Variants in GABPB2 observed in about 807,000 individuals in gnomAD.
GABPB2 encodes GA binding protein transcription factor subunit beta 2, also known as GA-binding protein subunit beta-2.
A neutral mutation model predicts 39.1 loss-of-function variants in GABPB2; 23 were observed. The observed-to-expected ratio is 0.59, with a 90% confidence interval of 0.42 to 0.83. GABPB2 has a LOEUF of 0.83. Ranked by LOEUF, GABPB2 falls within the 40% of genes least tolerant of loss-of-function variation. The pLI, the probability that GABPB2 is intolerant of heterozygous loss-of-function variation, is 0.00. For missense variants in GABPB2, 467 were observed against 541.1 expected, an observed-to-expected ratio of 0.86 and a Z score of 1.36; for synonymous variants, 184 against 199.3, an observed-to-expected ratio of 0.92 and a Z score of 0.65.
Position 151,118,364 on chromosome 1 carries a change from A to G in GABPB2, c.*108A>G. The G allele has an allele frequency of 9.2e-7, 1 of 1,082,972 alleles. No individual in the cohort carries two copies. The highest frequency in any genetic ancestry group is 1.3e-6 in the Non-Finnish European group (1 of 762,158). 67.1% of individuals were successfully genotyped at this position (1,082,972 alleles called of 1,614,324 possible). On this transcript the variant is annotated 3_prime_UTR_variant, in exon 9 of 9. Coordinates refer to ENST00000368918, the MANE Select transcript of GABPB2 (RefSeq NM_144618.3). ...AAACTAAGAGTGTCTTTAAGAAGAA[A>G]ACTATAGCAGGGTACAATGCTTGGG...
In GABPB2 at chr1:151,117,480, G is replaced by T. The variant is rs1680965142; in HGVS notation, c.1011G>T (p.Arg337Ser). Residue 337 changes from arginine to serine, a missense_variant, in exon 8 of 9, where the codon AGG becomes AGT. Coordinates refer to ENST00000368918, the MANE Select transcript of GABPB2 (RefSeq NM_144618.3). ...EEKLPLTKKP[R>S]IGEKTNSVEE... Reference sequence around the variant, plus strand: ...AGTTGCCACTAACAAAGAAACCAAGGATAGGAGAGAAGACAAACAGTGTGG... The same window carrying T: ...AGTTGCCACTAACAAAGAAACCAAGTATAGGAGAGAAGACAAACAGTGTGG... 6.2e-7 allele frequency: 1 copy of T among 1,613,866 alleles called. No homozygotes were observed. Among genetic ancestry groups the T allele is most frequent in the Admixed American group, 1.7e-5 (1 of 59,992 alleles).
At chr1:151,095,447 T>C (rs958715231) in intron 4 of GABPB2, among the ~76,000 whole-genome samples, 2 of 152,160 alleles carry the variant, frequency 1.3e-5, no homozygotes, top group African/African-American at 4.8e-5. Flanking sequence ...CTAAATTTGG[T>C]TTAAAAAGAT....
At chr1:151,088,464 T>C in intron 2 of GABPB2, 167 bp downstream of exon 2, 1 of 1,372,590 alleles carries the variant, frequency 7.3e-7, no homozygotes, top group Non-Finnish European at 9.9e-7. Context: ...TTTCTTTTTC[T>C]TTTAGTTTTC....
At chr1:151,096,568 T>C (rs994885280) in intron 4 of GABPB2, among the ~76,000 whole-genome samples, 2 of 152,182 alleles carry the variant, frequency 1.3e-5, no homozygotes, top group Non-Finnish European at 2.9e-5. Context: ...CTTTCATAAC[T>C]GGACTTTTTA....
intron 1 of GABPB2, among the ~76,000 whole-genome samples, chr1:151,085,222 AC>A (rs1678076571): frequency 6.8e-6 from 1 of 147,794 alleles, no homozygotes; most frequent in African/African-American, 2.5e-5. Flanking sequence ...GCATGGCAAA[AC>A]CCCTCTCTAC....
chr1:151,119,418 A>G lies in GABPB2; in HGVS notation c.*1162A>G, dbSNP rs1681091894. Reference sequence around the variant, plus strand: ...GGTCAGATCAAGAACATCCTGGCTAACACGGTGAAACTCCATCTCTACTAA... The same window carrying G: ...GGTCAGATCAAGAACATCCTGGCTAGCACGGTGAAACTCCATCTCTACTAA... On this transcript the variant is annotated 3_prime_UTR_variant, in exon 9 of 9. Coordinates refer to ENST00000368918, the MANE Select transcript of GABPB2 (RefSeq NM_144618.3). 6.6e-6 allele frequency: 1 copy of G among 152,190 alleles called. No homozygotes were observed. The highest frequency in any genetic ancestry group is 1.5e-5 in the Non-Finnish European group (1 of 68,122). The allele number at this position is 152,190 out of a possible 1,614,324, so 9.4% of individuals were successfully genotyped here. A position where few individuals can be genotyped will look rare whatever the true frequency, so the allele number is the denominator to read the frequency against.
chr1:151,091,025 C>CA (rs1217157835), intron 3 of GABPB2, among the ~76,000 whole-genome samples: 15 of 148,582 alleles, frequency 1.0e-4, no homozygotes, highest in East Asian at 3.9e-4. Flanking sequence ...AACAAAAAAA[C>CA]AAAAAAACAA....
At position 151,093,242 on chromosome 1, in the gene GABPB2, T is replaced by C. The variant is rs778570740; in HGVS notation, c.327T>C (p.His109=). The C allele has an allele frequency of 1.4e-5, 22 of 1,609,784 alleles. 1 individual carries two copies. The South Asian group carries it at 1.4e-4, about 11-fold the overall frequency. Residue 109 remains histidine (H), a synonymous_variant, in exon 4 of 9, where the codon CAT becomes CAC. Transcript: ENST00000368918. ...ACATGCTGAAGATGACAGCTTTGCA[T>C]TGGGCCACAGAGCGCCACCATCGAG... ...AKDMLKMTAL[H]WATERHHRDV...
At chr1:151,113,358 A>G (rs996329600) in intron 7 of GABPB2, among the ~76,000 whole-genome samples, 2 of 151,260 alleles carry the variant, frequency 1.3e-5, no homozygotes, top group African/African-American at 2.4e-5. Flanking sequence ...AGTCCCTGCT[A>G]CTCCGGAGGC....
intron 5 of GABPB2, among the ~76,000 whole-genome samples, chr1:151,102,339 A>G: frequency 6.6e-6 from 1 of 152,192 alleles, no homozygotes; most frequent in East Asian, 1.9e-4. Flanking sequence ...AATAAATAAA[A>G]AATAAAAGTA....
At chr1:151,090,615 A>G in intron 3 of GABPB2, 42 bp downstream of exon 3, 2 of 1,587,752 alleles carry the variant, frequency 1.3e-6, no homozygotes, top group Non-Finnish European at 1.7e-6. Context: ...TTAAAAAGGC[A>G]TCCACTTTCC....
At chr1:151,081,696 G>A (rs949716828) in intron 1 of GABPB2, among the ~76,000 whole-genome samples, 5 of 151,392 alleles carry the variant, frequency 3.3e-5, no homozygotes, top group Non-Finnish European at 7.4e-5. Context: ...GTGCAGTGGC[G>A]TGACCTTGGC....
intron 1 of GABPB2, among the ~76,000 whole-genome samples, chr1:151,078,954 G>C (rs1677424133): frequency 6.6e-6 from 1 of 151,992 alleles, no homozygotes; most frequent in Non-Finnish European, 1.5e-5. Flanking sequence ...TTACAGTCGT[G>C]AGCCACTGTG....
intron 5 of GABPB2, among the ~76,000 whole-genome samples, chr1:151,099,523 A>T (rs1571948197): frequency 6.6e-6 from 1 of 152,098 alleles, no homozygotes; most frequent in Non-Finnish European, 1.5e-5. Flanking sequence ...TTTTATAAAT[A>T]TTTTTTTTAC....
intron 7 of GABPB2, among the ~76,000 whole-genome samples, chr1:151,109,931 C>T (rs965680960): frequency 7.4e-5 from 11 of 148,286 alleles, no homozygotes; most frequent in East Asian, 2.0e-4. Flanking sequence ...CTCCGCCTTC[C>T]GGGTTCAAGT....
chr1:151,093,161 G>A, intron 3 of GABPB2, 31 bp from the exon 4 acceptor site: 1 of 1,527,626 alleles, frequency 6.5e-7, no homozygotes, highest in Admixed American at 2.1e-5. Flanking sequence ...TATAACCGCT[G>A]TTTGTTGAAA....
At chr1:151,096,899 C>T (rs1202280142) in intron 4 of GABPB2, among the ~76,000 whole-genome samples, 1 of 151,930 alleles carries the variant, frequency 6.6e-6, no homozygotes, top group Non-Finnish European at 1.5e-5. Context: ...CTATTCAGGT[C>T]AACTCCCTCA....
chr1:151,087,654 A>C (rs899976392), intron 1 of GABPB2, among the ~76,000 whole-genome samples: 1 of 151,890 alleles, frequency 6.6e-6, no homozygotes, highest in Non-Finnish European at 1.5e-5. Flanking sequence ...CTCAAAAAAA[A>C]AGAGAGTTAC....
intron 4 of GABPB2, among the ~76,000 whole-genome samples, chr1:151,095,361 C>T (rs781525612): frequency 9.9e-5 from 15 of 152,134 alleles, no homozygotes; most frequent in Non-Finnish European, 2.2e-4. Flanking sequence ...GGATGCTTTA[C>T]AGCGTGTGAA....
Sources: allele counts gnomAD v4.1 joint callset (sites outside exome capture counted in the v4.1 genomes callset), GRCh38; gene constraint gnomAD v4.1.1; transcripts MANE v1.5; gene names NCBI Gene and HGNC (gene_info 2026-07-23, HGNC 2026-07-21).